YARS1: variants seen among roughly 807,000 people sequenced by gnomAD.
The protein encoded by YARS1 is tyrosine--tRNA ligase, cytoplasmic.
Under a neutral mutation model 62.2 loss-of-function variants are expected in YARS1, and 36 were observed. The ratio of observed to expected loss-of-function variants is 0.58; its 90% CI spans 0.44 to 0.76. The LOEUF (loss-of-function observed/expected upper bound fraction) is 0.76. YARS1 is among the 30% of genes least tolerant of loss of function. YARS1 has a pLI of 0.00. For missense variants in YARS1, 524 were observed against 639.8 expected (o/e 0.82, Z 1.95); for synonymous variants, 234 against 244.9 (o/e 0.96, Z 0.42).
rs140589506 is a variant in YARS1, at chr1:32,800,247, G to A, written c.511-2404C>T. Among the ~76,000 whole-genome samples, 469 of 152,190 alleles carry A rather than the reference G, an allele frequency of 3.1e-3. 1 individual carries two copies. The highest frequency in any genetic ancestry group is 0.027 in the Middle Eastern group (8 of 294). Reference sequence around the variant, plus strand: ...TCTGCCTGTCTTGGTCTCCCAAAGTGTTGGGATTACAGGTGCCAGCCACTG... The same window carrying A: ...TCTGCCTGTCTTGGTCTCCCAAAGTATTGGGATTACAGGTGCCAGCCACTG... On this transcript the variant is annotated intron_variant, in intron 4 of 12. Coordinates refer to ENST00000373477, the MANE Select transcript of YARS1 (RefSeq NM_003680.4).
At chr1:32,801,377 A>G (rs1360780770) in intron 4 of YARS1, among the ~76,000 whole-genome samples, 1 of 152,216 alleles carries the variant, frequency 6.6e-6, no homozygotes, top group African/African-American at 2.4e-5. Context: ...TAGTCTATTT[A>G]AAGTGTGTAA....
chr1:32,802,189 C>T (rs991367104), intron 4 of YARS1, among the ~76,000 whole-genome samples: 4 of 152,004 alleles, frequency 2.6e-5, no homozygotes. Flanking sequence ...CCTCGTGATC[C>T]GTCCGCCTCG....
intron 5 of YARS1, among the ~76,000 whole-genome samples, chr1:32,792,826 G>A (rs990166700): frequency 2.0e-5 from 3 of 151,828 alleles, no homozygotes; most frequent in Non-Finnish European, 4.4e-5. Flanking sequence ...CTTGCAGTGA[G>A]CTGAGATTGC....
intron 5 of YARS1, among the ~76,000 whole-genome samples, chr1:32,792,028 G>T (rs1653427113): frequency 6.6e-6 from 1 of 152,094 alleles, no homozygotes; most frequent in Admixed American, 6.6e-5. Flanking sequence ...TAGGGATTGG[G>T]ATGGGTTCCT....
chr1:32,797,650 G>A, intron 5 of YARS1, 113 bp downstream of exon 5: 3 of 948,158 alleles, frequency 3.2e-6, no homozygotes, highest in Non-Finnish European at 5.1e-6. Flanking sequence ...TGCAAAACAA[G>A]GAGAATATTT....
At chr1:32,816,232 G>A (rs1162917408) in intron 1 of YARS1, among the ~76,000 whole-genome samples, 2 of 151,256 alleles carry the variant, frequency 1.3e-5, no homozygotes, top group Admixed American at 6.6e-5. Flanking sequence ...TCTCTAAAAA[G>A]AAAAAACAGA....
At chr1:32,786,508 G>A in intron 7 of YARS1, 61 bp from the exon 8 acceptor site, 1 of 1,006,464 alleles carries the variant, frequency 9.9e-7, no homozygotes, top group African/African-American at 1.5e-5. Context: ...TCACATGCAT[G>A]ACTATTCCTA....
intron 6 of YARS1, among the ~76,000 whole-genome samples, 167 bp from the exon 7 acceptor site, chr1:32,787,242 A>G (rs1341022837): frequency 6.6e-6 from 1 of 150,746 alleles, no homozygotes; most frequent in African/African-American, 2.4e-5. Flanking sequence ...AGATTCTCCC[A>G]TCTCAGCCTC....
chr1:32,803,651 T>C (rs899887940), intron 4 of YARS1, among the ~76,000 whole-genome samples: 2 of 152,184 alleles, frequency 1.3e-5, no homozygotes, highest in African/African-American at 4.8e-5. Context: ...CATTGTTGAG[T>C]GTAGCCACCT....
chr1:32,776,071 C>T lies in YARS1; in HGVS notation c.1497G>A (p.Glu499=). 1.9e-6 allele frequency: 3 copies of T among 1,614,024 alleles called. No homozygotes were observed. The highest frequency in any genetic ancestry group is 1.6e-4 in the Middle Eastern group (1 of 6,062). The change falls in exon 13 of 13, where the codon GAG becomes GAA. Residue 499 remains glutamate (E), a synonymous_variant. Transcript: ENST00000373477. This position sits in a 1 kb window ranked among gnomAD's most constrained non-coding sequence, Gnocchi z 4.0. The part of the protein sequence containing the change: ...EKLQADFKIS[E]ECIAQWKQTN... Reference sequence around the variant, plus strand: ...TTTGCTTCCACTGTGCGATGCACTCCTCAGAAATTTTGAAGTCAGCCTGGA... The same window carrying T: ...TTTGCTTCCACTGTGCGATGCACTCTTCAGAAATTTTGAAGTCAGCCTGGA...
chr1:32,780,400 G>C (rs1402511842), intron 10 of YARS1, 122 bp from the exon 11 acceptor site: 1 of 1,153,746 alleles, frequency 8.7e-7, no homozygotes, highest in Non-Finnish European at 1.3e-6. Context: ...AGACCCCCTA[G>C]AGCTAACTTT....
In YARS1 at chr1:32,780,117, G is replaced by A. The variant is rs1408803815; in HGVS notation, c.1302C>T (p.Val434=). The A allele has an allele frequency of 5.0e-6, 8 of 1,614,042 alleles. No individual in the cohort carries two copies. The highest frequency in any genetic ancestry group is 1.3e-5 in the African/African-American group (1 of 74,984). Residue 434 remains valine, a synonymous_variant, in exon 11 of 13, where the codon GTC becomes GTT. Coordinates refer to ENST00000373477, the MANE Select transcript of YARS1 (RefSeq NM_003680.4). ...CACACAGAAGCATGCCTTGGGACTC[G>A]ACTCCTCTCATCTTCTGGGGTTTCA... ...CNLKPQKMRG[V]ESQGMLLCAS...
In YARS1 at chr1:32,779,486, G is replaced by C; in HGVS notation, c.1372C>G (p.Pro458Ala). ...INRQVEPLDP[P>A]AGSAPGEHVF... ...TGCTCACCAGGAGCAGAGCCTGCCG[G>C]AGGGTCCAGAGGTTCAACCTGGCGG... The change falls in exon 12 of 13, where the codon CCG becomes GCG. Residue 458 changes from proline to alanine, a missense_variant. By Grantham distance (27) the Pro-to-Ala change is conservative. Transcript: ENST00000373477. 1.2e-6 allele frequency: 2 copies of C among 1,614,236 alleles called. No individual in the cohort carries two copies. The highest frequency in any genetic ancestry group is 1.7e-6 in the Non-Finnish European group (2 of 1,180,042).
rs556864050 is a variant in YARS1 at position 32,780,985 on chromosome 1, C to T, written c.1140+63G>A. 2.8e-5 allele frequency: 42 copies of T among 1,501,248 alleles called. 1 individual carries two copies. Among genetic ancestry groups the T allele is most frequent in the African/African-American group, 9.6e-5 (7 of 72,644 alleles). 93.0% of individuals were successfully genotyped at this position (1,501,248 alleles called of 1,614,324 possible). On this transcript the variant is annotated intron_variant, in intron 10 of 12. Transcript: ENST00000373477. ...TCCCATCTCCAGGCCACGTTTCCTC[C>T]GGATGGAAACAGACAAACCTGACCC...
At chr1:32,792,250 G>A (rs1653433334) in intron 5 of YARS1, among the ~76,000 whole-genome samples, 1 of 152,168 alleles carries the variant, frequency 6.6e-6, no homozygotes, top group Non-Finnish European at 1.5e-5. Context: ...TGATATTTCA[G>A]TTTGAGTCTC....
At chr1:32,784,031 G>T (rs866625923) in intron 8 of YARS1, among the ~76,000 whole-genome samples, 1 of 146,814 alleles carries the variant, frequency 6.8e-6, no homozygotes. Context: ...TTTGAGACAT[G>T]GTCTCGCTCT....
At chr1:32,808,208 C>A (rs1052605772) in intron 3 of YARS1, among the ~76,000 whole-genome samples, 2 of 151,188 alleles carry the variant, frequency 1.3e-5, no homozygotes, top group Non-Finnish European at 2.9e-5. Flanking sequence ...CCAGCAACCC[C>A]CACTCCCCCA....
At chr1:32,808,632 G>A (rs1368302997) in intron 3 of YARS1, among the ~76,000 whole-genome samples, 5 of 152,138 alleles carry the variant, frequency 3.3e-5, no homozygotes, top group Admixed American at 3.3e-4. Context: ...GTTCTTCACA[G>A]GTATAACTCC....
At chr1:32,803,899 GTT>G (rs1243934387) in intron 4 of YARS1, among the ~76,000 whole-genome samples, 1 of 152,140 alleles carries the variant, frequency 6.6e-6, no homozygotes, top group East Asian at 1.9e-4. Context: ...CTTCCGCAGT[GTT>G]TGTGTCCCTG....
Sources: allele counts gnomAD v4.1 joint callset (sites outside exome capture counted in the v4.1 genomes callset), GRCh38; gene constraint gnomAD v4.1.1; non-coding constraint Gnocchi (gnomAD v3.1); transcripts MANE v1.5; gene names NCBI Gene and HGNC (gene_info 2026-07-23, HGNC 2026-07-21).